Variants in PNKD observed in about 807,000 individuals in gnomAD.
PNKD encodes probable thioesterase PNKD.
A neutral mutation model predicts 45.3 loss-of-function variants in PNKD; 36 were observed. That is an observed-to-expected ratio of 0.80 (90% confidence interval 0.61 to 1.05). The LOEUF is 1.05. Among genes scored for constraint, PNKD ranks in the 50% least tolerant of loss-of-function variants. The probability of loss-of-function intolerance (pLI) is 0.00; values close to 1 mark genes in which losing one functional copy is unlikely to be tolerated. For synonymous variants in PNKD, 197 were observed against 210.1 expected (o/e 0.94, Z 0.54); for missense variants, 511 against 506.6 (o/e 1.01, Z -0.08).
rs1168709620 is a variant in PNKD at position 218,318,953 on chromosome 2, T to TC, written c.237-20830_237-20829insC. Among the ~76,000 whole-genome samples the TC allele has an allele frequency of 8.8e-4, 105 of 119,448 alleles. 1 individual carries two copies. The highest frequency in any genetic ancestry group is 4.3e-3 in the African/African-American group (96 of 22,388). 78.4% of individuals were successfully genotyped at this position (119,448 alleles called of 152,430 possible). A position where few individuals can be genotyped will look rare whatever the true frequency, so the allele number is the denominator to read the frequency against. ...CAAATCTTTTCTTTTTTTTTTTCTT[T>TC]TTTTTTTTTTTTTTTTTTTGAGACA... is the stretch of plus-strand genomic sequence containing the variant. On this transcript the variant is annotated intron_variant, in intron 2 of 9. Transcript: ENST00000273077.
rs560971500 is a variant in PNKD at position 218,346,420 on chromosome 2, G to C, written c.*1439G>C. 1 of 153,668 alleles carries C rather than the reference G, an allele frequency of 6.5e-6. No homozygotes were observed. Among genetic ancestry groups the C allele is most frequent in the South Asian group, 2.1e-4 (1 of 4,832 alleles). The allele number at this position is 153,668 out of a possible 1,614,324, so 9.5% of individuals were successfully genotyped here. On this transcript the variant is annotated 3_prime_UTR_variant, in exon 10 of 10. Transcript: ENST00000273077. ...CTAGTTAGAGTTCCCCACTCACCAA[G>C]CAAGACATGCAGTTTCATGCCTCTG... is the stretch of plus-strand genomic sequence containing the variant.
At chr2:218,312,925 G>A (rs914552608) in intron 2 of PNKD, among the ~76,000 whole-genome samples, 2 of 151,230 alleles carry the variant, frequency 1.3e-5, no homozygotes, top group East Asian at 1.9e-4. Flanking sequence ...TATTCTCTTC[G>A]TATGTGTTCT....
intron 2 of PNKD, among the ~76,000 whole-genome samples, chr2:218,334,058 T>G (rs527540358): frequency 2.6e-4 from 39 of 151,038 alleles, no homozygotes; most frequent in African/African-American, 8.5e-4. Context: ...GAGGTTGCAG[T>G]GAGCCGAGAT....
chr2:218,344,456 T>A lies in PNKD; in HGVS notation c.870T>A (p.Gly290=). The change falls in exon 9 of 10, where the codon GGT becomes GGA. Residue 290 remains glycine, a splice_region_variant and synonymous_variant. Transcript: ENST00000273077. ...GLGDDTLLWP[G]HEYAEENLGF... is the part of the protein sequence containing the mutation. The stretch of plus-strand genomic sequence containing the variant: ...TCTCACCCTCATGGCTGTCGGTAGG[T>A]CATGAGTATGCAGAGGAGAACCTGG... The A allele has an allele frequency of 6.4e-7, 1 of 1,567,880 alleles. No homozygotes were observed. Among genetic ancestry groups the A allele is most frequent in the Non-Finnish European group, 8.7e-7 (1 of 1,154,092 alleles).
chr2:218,344,694 C>A, intron 9 of PNKD, 114 bp from the exon 10 acceptor site: 1 of 1,398,674 alleles, frequency 7.1e-7, no homozygotes, highest in Non-Finnish European at 1.0e-6. Flanking sequence ...GGCCCATGGG[C>A]CCTCAAGTCA....
rs573946886 is a variant in PNKD, at chr2:218,291,648, G to T, written c.236+20099G>T. 9.9e-5 allele frequency among the ~76,000 whole-genome samples: 15 copies of T among 152,252 alleles called. 1 individual carries two copies. The highest frequency in any genetic ancestry group is 1.9e-4 in the Non-Finnish European group (13 of 68,024). On this transcript the variant is annotated intron_variant, in intron 2 of 9. Transcript: ENST00000273077. ...CAAGAATTGGTGCCGACCCCACAAGGCCAGGGCCTGGCCTCCCAGCAGCCT... is the reference window on the plus strand; with the variant it reads ...CAAGAATTGGTGCCGACCCCACAAGTCCAGGGCCTGGCCTCCCAGCAGCCT...
intron 2 of PNKD, among the ~76,000 whole-genome samples, chr2:218,315,998 G>A (rs116494390): frequency 0.019 from 2,963 of 152,328 alleles, 44 homozygotes; most frequent in Non-Finnish European, 0.03. Flanking sequence ...TCCAAGCTGT[G>A]AGTGGGATCC....
chr2:218,334,580 G>A (rs1185799958), intron 2 of PNKD: 8 of 623,904 alleles, frequency 1.3e-5, no homozygotes, highest in Non-Finnish European at 2.3e-5. Flanking sequence ...TTGAGCCCAG[G>A]ACATTAAGGC....
chr2:218,340,125 A>T lies in PNKD; in HGVS notation c.449A>T (p.Asp150Val). ...CTGGCTGTGGCTGTGGACCCTTCAG[A>T]CCCTCGGGCTGTGCAGGTGAGGGGA... The part of the protein sequence containing the change: ...AQLAVAVDPS[D>V]PRAVQASIEK... Residue 150 changes from aspartate (D) to valine (V), a missense_variant, in exon 4 of 10, where the codon GAC becomes GTC. By Grantham distance (152) the Asp-to-Val change is radical. Coordinates refer to ENST00000273077, the MANE Select transcript of PNKD (RefSeq NM_015488.5). This position sits in a 1 kb window ranked among gnomAD's most constrained non-coding sequence, Gnocchi z 4.2. The T allele has an allele frequency of 6.2e-7, 1 of 1,611,762 alleles. No individual in the cohort carries two copies. Among genetic ancestry groups the T allele is most frequent in the Non-Finnish European group, 8.5e-7 (1 of 1,178,130 alleles).
intron 2 of PNKD, among the ~76,000 whole-genome samples, chr2:218,316,012 T>A (rs1475262646): frequency 6.6e-6 from 1 of 152,240 alleles, no homozygotes; most frequent in Non-Finnish European, 1.5e-5. Flanking sequence ...GGGATCCAGG[T>A]GGCTCCATGT....
chr2:218,300,149 T>C (rs914236174), intron 2 of PNKD, among the ~76,000 whole-genome samples: 6 of 152,158 alleles, frequency 3.9e-5, no homozygotes, highest in African/African-American at 1.4e-4. Context: ...CAGCCTCAAC[T>C]CTACCTTATG....
At chr2:218,323,391 C>G in intron 2 of PNKD, 1 of 1,577,510 alleles carries the variant, frequency 6.3e-7, no homozygotes, top group South Asian at 1.1e-5. Flanking sequence ...CCTCCGCGGT[C>G]TGCTCATGGC....
At chr2:218,282,067 GC>G (rs1441469149) in intron 2 of PNKD, 1 of 1,586,208 alleles carries the variant, frequency 6.3e-7, no homozygotes, top group Admixed American at 1.8e-5. Flanking sequence ...GCTGCCCATA[GC>G]CCCCAGGGGG....
At chr2:218,320,474 G>A (rs113171534) in intron 2 of PNKD, among the ~76,000 whole-genome samples, 7,112 of 152,228 alleles carry the variant, frequency 0.047, 248 homozygotes, top group Non-Finnish European at 0.069. Context: ...AGGCTGAAGC[G>A]GGAGGATTGC....
Position 218,321,478 on chromosome 2 carries a change from TAGA to T in PNKD, c.237-18300_237-18298del, listed in dbSNP as rs549116442. ...CTCTGTCCCTCAAGATGTACCCACA[TAGA>T]AGAAACTCCAGGTCTGTCTGGGTTT... is the stretch of plus-strand genomic sequence containing the variant. On this transcript the variant is annotated intron_variant, in intron 2 of 9. Transcript: ENST00000273077. 7.3e-4 allele frequency among the ~76,000 whole-genome samples: 111 copies of T among 152,280 alleles called. 2 individuals carry two copies. The South Asian group carries it at 0.022, about 30-fold the overall frequency.
chr2:218,288,006 G>A (rs1692656169), intron 2 of PNKD, among the ~76,000 whole-genome samples: 1 of 152,260 alleles, frequency 6.6e-6, no homozygotes, highest in Non-Finnish European at 1.5e-5. Flanking sequence ...GCAGGCTGAT[G>A]CTATAATACT....
intron 2 of PNKD, among the ~76,000 whole-genome samples, chr2:218,309,416 C>CA (rs10553302): frequency 3.7e-3 from 203 of 54,440 alleles, no homozygotes; most frequent in African/African-American, 0.015. Context: ...GACTCCGCCT[C>CA]AAAAAAAAAA....
At chr2:218,319,295 T>G (rs994821414) in intron 2 of PNKD, among the ~76,000 whole-genome samples, 3 of 151,460 alleles carry the variant, frequency 2.0e-5, no homozygotes, top group Admixed American at 6.6e-5. Flanking sequence ...TTTTTCAATT[T>G]GCGTATGTCA....
chr2:218,328,149 T>C (rs1482306445), intron 2 of PNKD, among the ~76,000 whole-genome samples: 1 of 152,150 alleles, frequency 6.6e-6, no homozygotes, highest in Non-Finnish European at 1.5e-5. Context: ...TTCCTCTGTC[T>C]CAGCCACAGC....
Sources: gnomAD v4.1 joint callset for allele counts (sites outside exome capture counted in the v4.1 genomes callset) on GRCh38, gnomAD v4.1.1 for gene constraint, Gnocchi (gnomAD v3.1) non-coding constraint, MANE v1.5 for transcripts, NCBI Gene and HGNC (gene_info 2026-07-23, HGNC 2026-07-21) for gene names.